The following PARL variants were observed in gnomAD, a reference collection of about 807,000 sequenced individuals.
The protein encoded by PARL is presenilin associated rhomboid like, also known as presenilin-associated rhomboid-like protein, mitochondrial.
A neutral mutation model predicts 51.6 loss-of-function variants in PARL; 44 were observed. The observed-to-expected ratio is 0.85, with a 90% CI of 0.67 to 1.10. The LOEUF is 1.10. Ranked by LOEUF, PARL falls within the 50% of genes least tolerant of loss-of-function variation. The probability of loss-of-function intolerance (pLI) is 0.00; values close to 1 mark genes in which losing one functional copy is unlikely to be tolerated. For synonymous variants in PARL, 172 were observed against 164.0 expected (o/e 1.05, Z -0.37); for missense variants, 441 against 469.5 (o/e 0.94, Z 0.56).
rs776112207 is a variant in PARL at position 183,833,715 on chromosome 3, A to G, written c.930+9T>C. 3.8e-6 allele frequency: 6 copies of G among 1,586,434 alleles called. No homozygotes were observed. Among genetic ancestry groups the G allele is most frequent in the Non-Finnish European group, 5.2e-6 (6 of 1,154,926 alleles). On this transcript the variant is annotated intron_variant, in intron 8 of 9. Transcript: ENST00000317096. Reference sequence around the variant, plus strand: ...TATCCCCAGCACTGCACTTCATAAAAATACTTACATTCCCTGCTGTGAACG... The same window carrying G: ...TATCCCCAGCACTGCACTTCATAAAGATACTTACATTCCCTGCTGTGAACG...
At chr3:183,866,921 T>A (rs573751015) in intron 2 of PARL, among the ~76,000 whole-genome samples, 156 bp from the exon 3 acceptor site, 1 of 152,076 alleles carries the variant, frequency 6.6e-6, no homozygotes, top group East Asian at 1.9e-4. Context: ...GGGCTTTTTT[T>A]TTTCTTTTTG....
chr3:183,865,144 C>T (rs1452075798), intron 3 of PARL, among the ~76,000 whole-genome samples: 2 of 151,942 alleles, frequency 1.3e-5, no homozygotes, highest in South Asian at 2.1e-4. Flanking sequence ...CCTGTCTCCA[C>T]AAAAAATGAA....
rs1729426614 is a variant in PARL, at chr3:183,842,400, A to C, written c.655T>G (p.Leu219Val). The C allele has an allele frequency of 4.3e-6, 7 of 1,613,268 alleles. No individual in the cohort carries two copies. In the East Asian group the frequency reaches 1.6e-4, roughly 36 times the overall value. Residue 219 changes from leucine to valine, a missense_variant, in exon 6 of 10, where the codon TTA (leucine) becomes GTA (valine). By Grantham distance (32) the Leu-to-Val change is conservative. Coordinates refer to ENST00000317096, the MANE Select transcript of PARL (RefSeq NM_018622.7). ...TACATATTTGCTGCCATGTGAAATA[A>C]GGAGAAATGACTGAATGTTGACAGC... ...MLLSTFSHFSLFHMAANMYVL... is the reference protein window; with the variant it reads ...MLLSTFSHFSVFHMAANMYVL...
chr3:183,833,903 C>A (rs1728251466), intron 7 of PARL, 78 bp from the exon 8 acceptor site: 1 of 919,480 alleles, frequency 1.1e-6, no homozygotes. Context: ...AAGAGCAGCA[C>A]ATTTTCTAGA....
At chr3:183,882,816 A>C (rs1734719406) in intron 1 of PARL, among the ~76,000 whole-genome samples, 1 of 152,202 alleles carries the variant, frequency 6.6e-6, no homozygotes, top group Non-Finnish European at 1.5e-5. Context: ...GAGTGCTTGT[A>C]AAATGCAAAT....
chr3:183,843,700 G>A (rs528519689), intron 5 of PARL, among the ~76,000 whole-genome samples: 7 of 151,692 alleles, frequency 4.6e-5, no homozygotes, highest in Non-Finnish European at 7.4e-5. Context: ...GCGTGGTGGC[G>A]GGCACCTGTA....
intron 1 of PARL, among the ~76,000 whole-genome samples, chr3:183,876,856 T>C (rs1195755262): frequency 1.3e-5 from 2 of 152,182 alleles, no homozygotes; most frequent in East Asian, 3.9e-4. Flanking sequence ...AACACTCAAG[T>C]ATGACTTTGA....
chr3:183,877,844 G>A lies in PARL; in HGVS notation c.125+6878C>T, dbSNP rs1349021144. Among the ~76,000 whole-genome samples, 7 of 151,242 alleles carry A rather than the reference G, an allele frequency of 4.6e-5. No individual in the cohort carries two copies. The South Asian group carries it at 6.3e-4, about 14-fold the overall frequency. ...GAGACAGTGTCACCCAGGCTGGAGC[G>A]CAGTGGCATGATCTCGGCTCACTGC... On this transcript the variant is annotated intron_variant, in intron 1 of 9. Transcript: ENST00000317096.
At chr3:183,846,661 G>A in intron 4 of PARL, 4 of 984,636 alleles carry the variant, frequency 4.1e-6, no homozygotes, top group Non-Finnish European at 4.8e-6. Flanking sequence ...ATAAGCCAGT[G>A]GTCATCAAAC....
chr3:183,855,203 T>C (rs1254525680), intron 4 of PARL, among the ~76,000 whole-genome samples: 2 of 152,190 alleles, frequency 1.3e-5, no homozygotes, highest in African/African-American at 4.8e-5. Context: ...CTTTCTGGGA[T>C]AATGAAAAGG....
chr3:183,884,423 C>A (rs1467515343), intron 1 of PARL, among the ~76,000 whole-genome samples: 4 of 149,458 alleles, frequency 2.7e-5, no homozygotes, highest in Admixed American at 6.6e-5. Context: ...ACTGGCTCAA[C>A]AGTTTCCACT....
chr3:183,861,583 T>C (rs1218612894), intron 4 of PARL, among the ~76,000 whole-genome samples: 2 of 152,096 alleles, frequency 1.3e-5, no homozygotes, highest in Admixed American at 1.3e-4. Flanking sequence ...CCAGAGAGAA[T>C]AAACAGTTTG....
intron 4 of PARL, among the ~76,000 whole-genome samples, chr3:183,851,916 T>G (rs1730589641): frequency 6.6e-6 from 1 of 152,060 alleles, no homozygotes; most frequent in African/African-American, 2.4e-5. Flanking sequence ...TCCCAGCACT[T>G]TGGGAGGCCG....
rs1560442467 is a variant in PARL at position 183,882,268 on chromosome 3, T to TA, written c.125+2453_125+2454insT. The stretch of plus-strand genomic sequence containing the variant: ...ATTTATATATATATATATATATATA[T>TA]TTATATATATATATACACACACACA... On this transcript the variant is annotated intron_variant, in intron 1 of 9. Coordinates refer to ENST00000317096, the MANE Select transcript of PARL (RefSeq NM_018622.7). 7.3e-3 allele frequency among the ~76,000 whole-genome samples: 364 copies of TA among 49,686 alleles called. 10 individuals are homozygous for TA. The highest frequency in any genetic ancestry group is 0.016 in the Admixed American group (65 of 4,004). 32.6% of individuals were successfully genotyped at this position (49,686 alleles called of 152,430 possible).
chr3:183,830,263 C>A (rs982308234), intron 9 of PARL, among the ~76,000 whole-genome samples: 1 of 152,228 alleles, frequency 6.6e-6, no homozygotes, highest in East Asian at 1.9e-4. Flanking sequence ...AGCCTAACTG[C>A]GGCCTGAAGC....
At chr3:183,826,710 G>A, downstream of PARL, 1 of 985,392 alleles carries the variant, frequency 1.0e-6, no homozygotes, top group South Asian at 4.7e-5. Context: ...CAGCAGGCGA[G>A]GCGCCAGGTG....
At chr3:183,852,321 TACAAAGGAAA>T (rs918285573) in intron 4 of PARL, among the ~76,000 whole-genome samples, 45 of 152,270 alleles carry the variant, frequency 3.0e-4, no homozygotes, top group African/African-American at 1.1e-3. Context: ...ATTTGAGCTT[TACAAAGGAAA>T]TTTTCATCAT....
chr3:183,827,034 T>G (rs1727464088), downstream of PARL, among the ~76,000 whole-genome samples: 1 of 151,808 alleles, frequency 6.6e-6, no homozygotes, highest in South Asian at 2.1e-4. Context: ...TGGGGAAAGC[T>G]GGACTCGCCA....
Position 183,829,463 on chromosome 3 carries a change from A to C in PARL, c.*135T>G, listed in dbSNP as rs1727658445. The C allele has an allele frequency of 1.9e-6, 3 of 1,604,230 alleles. No individual in the cohort carries two copies. In the South Asian group the frequency reaches 3.3e-5, roughly 18 times the overall value. On this transcript the variant is annotated 3_prime_UTR_variant, in exon 10 of 10. Transcript: ENST00000317096. ...ATTCTAAAAAGACACGGACTGGGGG[A>C]CACAGCTGAAAACAGTGGGAGGCCA...
Sources: gnomAD v4.1 joint callset for allele counts (sites outside exome capture counted in the v4.1 genomes callset) on GRCh38, gnomAD v4.1.1 for gene constraint, MANE v1.5 for transcripts, NCBI Gene and HGNC (gene_info 2026-07-23, HGNC 2026-07-21) for gene names.